SYNPR: variants seen among roughly 807,000 people sequenced by gnomAD.
SYNPR encodes the protein synaptoporin.
Under a neutral mutation model 32.9 loss-of-function variants are expected in SYNPR, and 23 were observed. That is an observed-to-expected ratio of 0.70 (90% confidence interval 0.50 to 0.99). SYNPR has a LOEUF of 0.99. SYNPR is among the 50% of genes least tolerant of loss of function. SYNPR has a pLI of 0.00. For missense variants in SYNPR, 318 were observed against 349.3 expected (o/e 0.91, Z 0.71); for synonymous variants, 146 against 135.9 (o/e 1.07, Z -0.52).
intron 2 of SYNPR, among the ~76,000 whole-genome samples, chr3:63,453,502 C>A (rs1197659967): frequency 3.3e-5 from 5 of 152,084 alleles, no homozygotes; most frequent in Non-Finnish European, 7.4e-5. Flanking sequence ...CTTCAAACAC[C>A]AAGAGAAAAT....
At chr3:63,610,503 TAAG>T (rs1398131739) in intron 5 of SYNPR, 1 of 700,050 alleles carries the variant, frequency 1.4e-6, no homozygotes, top group African/African-American at 1.7e-5. Flanking sequence ...CGAAGGCACT[TAAG>T]AAGAGAGAAA....
At chr3:63,489,027 A>ATTTTAGT (rs1434702768) in intron 3 of SYNPR, among the ~76,000 whole-genome samples, 1 of 152,132 alleles carries the variant, frequency 6.6e-6, no homozygotes, top group Non-Finnish European at 1.5e-5. Flanking sequence ...TAGAATGGAT[A>ATTTTAGT]TTTTAGTTTG....
chr3:63,609,978 GGC>G (rs1700176657), intron 5 of SYNPR, among the ~76,000 whole-genome samples: 1 of 152,086 alleles, frequency 6.6e-6, no homozygotes, highest in South Asian at 2.1e-4. Context: ...AATATTTGAG[GGC>G]ATACAAGTTC....
intron 3 of SYNPR, among the ~76,000 whole-genome samples, chr3:63,506,327 C>T (rs73114712): frequency 0.019 from 2,925 of 152,230 alleles, 52 homozygotes; most frequent in Non-Finnish European, 0.027. Context: ...TTCTACTTCT[C>T]AGTTAATGAT....
chr3:63,583,062 G>A (rs1208890132), intron 4 of SYNPR, among the ~76,000 whole-genome samples: 2 of 152,106 alleles, frequency 1.3e-5, no homozygotes, highest in African/African-American at 4.8e-5. Context: ...GGGGTAGGCA[G>A]TGGAAAGTTA....
chr3:63,429,329 T>C (rs1265843992), intron 2 of SYNPR, among the ~76,000 whole-genome samples: 1 of 152,230 alleles, frequency 6.6e-6, no homozygotes, highest in African/African-American at 2.4e-5. Context: ...AGCCTCAAAC[T>C]ACTAAAGTTA....
chr3:63,521,947 C>T (rs1480582949), intron 3 of SYNPR, among the ~76,000 whole-genome samples: 1 of 152,142 alleles, frequency 6.6e-6, no homozygotes, highest in East Asian at 1.9e-4. Flanking sequence ...AACCAGAGGA[C>T]AAAAGAGCAG....
At chr3:63,586,399 C>T (rs1260243705) in intron 4 of SYNPR, among the ~76,000 whole-genome samples, 1 of 151,896 alleles carries the variant, frequency 6.6e-6, no homozygotes, top group Non-Finnish European at 1.5e-5. Context: ...ATTCTAAAAT[C>T]ATGCCAGAAT....
chr3:63,229,538 T>C (rs896224609), intron 1 of SYNPR, among the ~76,000 whole-genome samples: 2 of 152,122 alleles, frequency 1.3e-5, no homozygotes, highest in African/African-American at 4.8e-5. Context: ...CACAGTTGCA[T>C]TTTTGTATGG....
intron 2 of SYNPR, among the ~76,000 whole-genome samples, chr3:63,411,199 G>T (rs1020947028): frequency 3.3e-5 from 5 of 152,108 alleles, no homozygotes; most frequent in Admixed American, 1.3e-4. Flanking sequence ...GTGTGTGGGT[G>T]GGTGGGAAGT....
At chr3:63,377,634 T>C (rs2087912124) in intron 2 of SYNPR, among the ~76,000 whole-genome samples, 1 of 151,944 alleles carries the variant, frequency 6.6e-6, no homozygotes, top group Non-Finnish European at 1.5e-5. Context: ...TTAGTTTTTT[T>C]TTAAACCCTG....
chr3:63,320,467 C>T (rs1233777244), intron 2 of SYNPR, among the ~76,000 whole-genome samples: 1 of 151,932 alleles, frequency 6.6e-6, no homozygotes, highest in African/African-American at 2.4e-5. Flanking sequence ...TTTAGTGGAA[C>T]ATTGTAAAGC....
chr3:63,408,352 G>GAAAGAAAGAAAGAAAGAAAAGAAAAGA (rs2088415454), intron 2 of SYNPR, among the ~76,000 whole-genome samples: 3 of 147,272 alleles, frequency 2.0e-5, no homozygotes, highest in African/African-American at 5.2e-5. Context: ...AAGAAAGAAA[G>GAAAGAAAGAAAGAAAGAAAAGAAAAGA]AAAGAAAGAA....
intron 2 of SYNPR, among the ~76,000 whole-genome samples, chr3:63,408,299 GGAAGGAAGGAAGGAAGGAAGGAAAGAAA>G (rs1396472136): frequency 5.6e-5 from 5 of 88,968 alleles, no homozygotes; most frequent in African/African-American, 3.0e-4. Context: ...AAGGAAGGAA[GGAAGGAAGGAAGGAAGGAAGGAAAGAAA>G]GAAAGAAAGA....
At chr3:63,374,524 A>T (rs2087859328) in intron 2 of SYNPR, among the ~76,000 whole-genome samples, 1 of 152,158 alleles carries the variant, frequency 6.6e-6, no homozygotes, top group Non-Finnish European at 1.5e-5. Flanking sequence ...CTGTACACCA[A>T]GCCCCTGTGA....
chr3:63,440,674 T>G (rs1427211223), intron 2 of SYNPR, among the ~76,000 whole-genome samples: 1 of 152,184 alleles, frequency 6.6e-6, no homozygotes, highest in Non-Finnish European at 1.5e-5. Context: ...TTAGTGAAAG[T>G]TGACCCAGAA....
intron 5 of SYNPR, among the ~76,000 whole-genome samples, chr3:63,611,245 T>C (rs1700192724): frequency 6.6e-6 from 1 of 152,194 alleles, no homozygotes; most frequent in South Asian, 2.1e-4. Context: ...GAATGAGAGT[T>C]CTAGATGTTC....
intron 2 of SYNPR, among the ~76,000 whole-genome samples, chr3:63,359,873 T>C (rs963747785): frequency 4.6e-5 from 7 of 152,194 alleles, no homozygotes; most frequent in African/African-American, 1.7e-4. Flanking sequence ...CTTTGGTAAA[T>C]GTAAGAATTT....
chr3:63,460,868 G>T (rs1416966051), intron 2 of SYNPR, among the ~76,000 whole-genome samples: 1 of 152,090 alleles, frequency 6.6e-6, no homozygotes, highest in Non-Finnish European at 1.5e-5. Context: ...GGCAGGTACA[G>T]CTGACAAGAC....
Sources: allele counts gnomAD v4.1 joint callset (sites outside exome capture counted in the v4.1 genomes callset), GRCh38; gene constraint gnomAD v4.1.1; transcripts MANE v1.5; gene names NCBI Gene and HGNC (gene_info 2026-07-23, HGNC 2026-07-21).